ESRRG: variants seen among roughly 807,000 people sequenced by gnomAD.
ESRRG encodes estrogen-related receptor gamma.
Under a neutral mutation model 44.0 loss-of-function variants are expected in ESRRG, and 13 were observed. That is an observed-to-expected ratio of 0.30 (90% CI 0.19 to 0.47). ESRRG has a LOEUF of 0.47. Among genes scored for constraint, ESRRG ranks in the 20% least tolerant of loss-of-function variants. The probability of loss-of-function intolerance (pLI) is 1.00; values close to 1 mark genes in which losing one functional copy is unlikely to be tolerated. For synonymous variants in ESRRG, 215 were observed against 214.6 expected, an observed-to-expected ratio of 1.00 and a Z score of -0.02; for missense variants, 395 against 580.6, an observed-to-expected ratio of 0.68 and a Z score of 3.29.
intron 2 of ESRRG, among the ~76,000 whole-genome samples, chr1:216,830,055 G>A (rs550143711): frequency 6.6e-6 from 1 of 152,194 alleles, no homozygotes; most frequent in Admixed American, 6.5e-5. Context: ...ACACACACAG[G>A]AATTTTATTA....
chr1:216,552,164 A>C (rs1200597078), intron 5 of ESRRG, among the ~76,000 whole-genome samples: 1 of 152,158 alleles, frequency 6.6e-6, no homozygotes, highest in East Asian at 1.9e-4. Flanking sequence ...ACTGCTATTA[A>C]TCTATCTTCA....
chr1:216,540,440 C>T (rs1214011077), intron 5 of ESRRG, among the ~76,000 whole-genome samples: 2 of 151,938 alleles, frequency 1.3e-5, no homozygotes, highest in Non-Finnish European at 2.9e-5. Flanking sequence ...GTTGAGTATT[C>T]TATCTTTCAA....
chr1:216,755,977 A>G (rs942711177), intron 2 of ESRRG, among the ~76,000 whole-genome samples: 6 of 152,030 alleles, frequency 3.9e-5, no homozygotes, highest in Admixed American at 3.9e-4. Context: ...ATCTAAAAAA[A>G]CTAACTTTCC....
chr1:216,511,666 A>G (rs532387804), intron 6 of ESRRG, among the ~76,000 whole-genome samples: 108 of 152,198 alleles, frequency 7.1e-4, no homozygotes, highest in African/African-American at 2.3e-3. Context: ...CCTGGAAGGC[A>G]CCTTGAGTGC....
upstream of ESRRG, among the ~76,000 whole-genome samples, chr1:216,724,731 A>G (rs2087130143): frequency 1.3e-5 from 2 of 152,174 alleles, no homozygotes; most frequent in Admixed American, 6.5e-5. Context: ...TCCTCCTTCA[A>G]TTGTGTACAC....
At chr1:216,729,366 T>C (rs1018854472) in intron 2 of ESRRG, among the ~76,000 whole-genome samples, 4 of 152,196 alleles carry the variant, frequency 2.6e-5, no homozygotes, top group African/African-American at 7.2e-5. Flanking sequence ...ATGTTAGCTA[T>C]ATTATTTTTA....
chr1:216,509,240 T>C (rs909609140), intron 6 of ESRRG, among the ~76,000 whole-genome samples: 2 of 152,222 alleles, frequency 1.3e-5, no homozygotes, highest in African/African-American at 4.8e-5. Flanking sequence ...AATTGTCCTC[T>C]AAACACATCC....
At chr1:216,541,592 GTGTGTGTGTGTGTGTA>G (rs1391026338) in intron 5 of ESRRG, among the ~76,000 whole-genome samples, 20 of 146,792 alleles carry the variant, frequency 1.4e-4, no homozygotes, top group African/African-American at 5.1e-4. Flanking sequence ...GTGTGTGTGT[GTGTGTGTGTGTGTGTA>G]TGTGATCAGC....
At chr1:216,598,307 C>T (rs1833039) in intron 3 of ESRRG, among the ~76,000 whole-genome samples, 22,577 of 152,232 alleles carry the variant, frequency 0.15, 2,171 homozygotes, top group Non-Finnish European at 0.21. Context: ...CTTGGAACCT[C>T]TGGTGGCTGA....
At chr1:217,044,491 G>T (rs1456426233) in intron 1 of ESRRG, among the ~76,000 whole-genome samples, 1 of 151,992 alleles carries the variant, frequency 6.6e-6, no homozygotes, top group East Asian at 1.9e-4. Context: ...ATCTCTTGTT[G>T]GTTCCTAACG....
intron 2 of ESRRG, among the ~76,000 whole-genome samples, chr1:216,743,349 A>T (rs1473554108): frequency 6.6e-6 from 1 of 152,172 alleles, no homozygotes; most frequent in Non-Finnish European, 1.5e-5. Flanking sequence ...ACCCTCCTTG[A>T]GGTGACTCTT....
chr1:217,047,521 A>G (rs1182414944), intron 1 of ESRRG, among the ~76,000 whole-genome samples: 1 of 152,156 alleles, frequency 6.6e-6, no homozygotes, highest in Non-Finnish European at 1.5e-5. Flanking sequence ...CCCCATTGTC[A>G]TCACTCAAGT....
At chr1:216,578,358 C>T (rs1331871352) in intron 3 of ESRRG, among the ~76,000 whole-genome samples, 1 of 151,850 alleles carries the variant, frequency 6.6e-6, no homozygotes, top group Admixed American at 6.6e-5. Context: ...GTAAAAGAAG[C>T]CCCAAATATT....
At chr1:216,831,262 TTAAAA>T (rs1252824437) in intron 2 of ESRRG, among the ~76,000 whole-genome samples, 2 of 152,054 alleles carry the variant, frequency 1.3e-5, no homozygotes, top group Admixed American at 6.6e-5. Context: ...CAACTGTTAA[TTAAAA>T]TAAAATGAAG....
intron 1 of ESRRG, among the ~76,000 whole-genome samples, chr1:217,037,771 C>A (rs2083161873): frequency 6.6e-6 from 1 of 152,056 alleles, no homozygotes; most frequent in African/African-American, 2.4e-5. Flanking sequence ...CCTGTAAAAT[C>A]AAAAACAAAT....
chr1:216,930,183 C>T (rs1377760000), intron 2 of ESRRG, among the ~76,000 whole-genome samples: 2 of 152,162 alleles, frequency 1.3e-5, no homozygotes, highest in African/African-American at 4.8e-5. Context: ...TCTCTTGCAT[C>T]TTTAATCTCC....
intron 2 of ESRRG, among the ~76,000 whole-genome samples, chr1:216,836,792 A>G (rs981341262): frequency 1.3e-5 from 2 of 152,208 alleles, no homozygotes; most frequent in Admixed American, 1.3e-4. Context: ...AAATATGACA[A>G]GACGATGGCA....
chr1:216,525,785 G>A (rs1283003943), intron 5 of ESRRG, among the ~76,000 whole-genome samples: 2 of 152,130 alleles, frequency 1.3e-5, no homozygotes, highest in African/African-American at 4.8e-5. Context: ...AAGGATCTAT[G>A]CTTGAATCTG....
chr1:217,086,815 T>A (rs1047509425), intron 1 of ESRRG, among the ~76,000 whole-genome samples: 1 of 152,236 alleles, frequency 6.6e-6, no homozygotes, highest in Non-Finnish European at 1.5e-5. Flanking sequence ...TAATGACACC[T>A]TCGGTGTCTA....
Sources: allele counts gnomAD v4.1 joint callset (sites outside exome capture counted in the v4.1 genomes callset), GRCh38; gene constraint gnomAD v4.1.1; transcripts MANE v1.5; gene names NCBI Gene and HGNC (gene_info 2026-07-23, HGNC 2026-07-21).